PID1: variants seen among roughly 807,000 people sequenced by gnomAD.
PID1 encodes PTB-containing, cubilin and LRP1-interacting protein.
Under a neutral mutation model 19.1 loss-of-function variants are expected in PID1, and 10 were observed. That is an observed-to-expected ratio of 0.52 (90% CI 0.32 to 0.89). The LOEUF is 0.89. Among genes scored for constraint, PID1 ranks in the 40% least tolerant of loss-of-function variants. PID1 has a pLI of 0.03. For missense variants in PID1, 248 were observed against 285.3 expected, an observed-to-expected ratio of 0.87 and a Z score of 0.94; for synonymous variants, 130 against 116.0, an observed-to-expected ratio of 1.12 and a Z score of -0.78.
At chr2:229,123,146 A>C (rs1394278388) in intron 2 of PID1, among the ~76,000 whole-genome samples, 2 of 151,826 alleles carry the variant, frequency 1.3e-5, no homozygotes, top group African/African-American at 4.8e-5. Flanking sequence ...CCAAAAAAAA[A>C]CTCGTTATCT....
At chr2:229,043,939 T>C (rs1693824513) in intron 2 of PID1, among the ~76,000 whole-genome samples, 2 of 152,174 alleles carry the variant, frequency 1.3e-5, no homozygotes, top group Non-Finnish European at 1.5e-5. Flanking sequence ...CTCAAATCCT[T>C]TGAAGTCCTT....
intron 2 of PID1, among the ~76,000 whole-genome samples, chr2:229,148,217 G>C (rs1201148897): frequency 6.6e-6 from 1 of 152,228 alleles, no homozygotes; most frequent in South Asian, 2.1e-4. Context: ...GCTGTTGGTG[G>C]AAAGACCACA....
intron 1 of PID1, among the ~76,000 whole-genome samples, chr2:229,218,997 TCTC>T (rs1049363885): frequency 5.3e-5 from 8 of 152,116 alleles, no homozygotes; most frequent in African/African-American, 1.9e-4. Flanking sequence ...ATTGAAATCT[TCTC>T]CTGAAGCCAG....
chr2:229,154,989 A>C (rs1451508864), intron 2 of PID1, among the ~76,000 whole-genome samples: 1 of 152,214 alleles, frequency 6.6e-6, no homozygotes, highest in Non-Finnish European at 1.5e-5. Flanking sequence ...GTTTGCATAA[A>C]TGAAAATGCT....
intron 1 of PID1, among the ~76,000 whole-genome samples, chr2:229,191,668 G>A (rs1691262567): frequency 6.6e-6 from 1 of 152,072 alleles, no homozygotes; most frequent in Admixed American, 6.6e-5. Context: ...AAAATTAACA[G>A]GTTCAAAGCA....
intron 2 of PID1, among the ~76,000 whole-genome samples, chr2:229,149,840 G>C (rs182846300): frequency 6.6e-6 from 1 of 152,076 alleles, no homozygotes; most frequent in Non-Finnish European, 1.5e-5. Context: ...TGGGACTCTC[G>C]GCAAAGGACA....
intron 2 of PID1, among the ~76,000 whole-genome samples, chr2:229,124,057 C>T (rs565786669): frequency 1.4e-4 from 22 of 152,048 alleles, no homozygotes; most frequent in African/African-American, 3.6e-4. Context: ...TAAAATATGG[C>T]GAGACTGGAA....
At chr2:229,270,276 A>G (rs893834340) in intron 1 of PID1, among the ~76,000 whole-genome samples, 1 of 152,176 alleles carries the variant, frequency 6.6e-6, no homozygotes, top group Non-Finnish European at 1.5e-5. Context: ...AACCAGGGCA[A>G]TCCCAAGGCC....
intron 2 of PID1, among the ~76,000 whole-genome samples, chr2:229,141,145 T>C (rs1443250736): frequency 1.3e-5 from 2 of 152,130 alleles, no homozygotes; most frequent in Admixed American, 1.3e-4. Context: ...TAGGGTTCTG[T>C]TGGCATAGTA....
At chr2:229,208,168 G>T (rs1342444941) in intron 1 of PID1, among the ~76,000 whole-genome samples, 2 of 152,110 alleles carry the variant, frequency 1.3e-5, no homozygotes, top group African/African-American at 4.8e-5. Flanking sequence ...TCCATTTCTG[G>T]TTGCCTCCAG....
rs569734441 is a variant in PID1, at chr2:229,071,997, C to T, written c.178-45889G>A. 2.0e-5 allele frequency among the ~76,000 whole-genome samples: 3 copies of T among 152,144 alleles called. No homozygotes were observed. The South Asian group carries it at 6.2e-4, about 32-fold the overall frequency. Reference sequence around the variant, plus strand: ...TCTCATTTTATATTCCCAAATGGCCCTGTGTCATTCTATAGTTTTGAGTAC... The same window carrying T: ...TCTCATTTTATATTCCCAAATGGCCTTGTGTCATTCTATAGTTTTGAGTAC... On this transcript the variant is annotated intron_variant, in intron 2 of 2. Transcript: ENST00000392055.
intron 2 of PID1, among the ~76,000 whole-genome samples, chr2:229,155,382 T>A (rs1028628138): frequency 3.9e-5 from 6 of 151,984 alleles, no homozygotes; most frequent in Non-Finnish European, 5.9e-5. Context: ...CTAGCTAACA[T>A]GGTGAAACCC....
At chr2:229,148,061 A>G (rs1690172194) in intron 2 of PID1, among the ~76,000 whole-genome samples, 1 of 152,234 alleles carries the variant, frequency 6.6e-6, no homozygotes, top group Admixed American at 6.5e-5. Flanking sequence ...TATGTGGCAA[A>G]CCAGATAAAT....
intron 2 of PID1, among the ~76,000 whole-genome samples, chr2:229,147,580 T>G (rs1456011422): frequency 1.3e-5 from 2 of 152,068 alleles, no homozygotes; most frequent in African/African-American, 4.8e-5. Context: ...TTTTATATAC[T>G]TAATACATTA....
intron 2 of PID1, among the ~76,000 whole-genome samples, chr2:229,090,756 A>T (rs552026531): frequency 2.0e-5 from 3 of 152,364 alleles, no homozygotes; most frequent in Admixed American, 1.3e-4. Flanking sequence ...ATGAGTCATC[A>T]TCATTCATTC....
At chr2:229,060,080 T>A (rs1694181434) in intron 2 of PID1, among the ~76,000 whole-genome samples, 1 of 152,138 alleles carries the variant, frequency 6.6e-6, no homozygotes, top group Non-Finnish European at 1.5e-5. Flanking sequence ...AATGATGAAA[T>A]CAAGCTTATT....
At chr2:229,073,471 G>A (rs898669042) in intron 2 of PID1, among the ~76,000 whole-genome samples, 7 of 152,170 alleles carry the variant, frequency 4.6e-5, no homozygotes, top group African/African-American at 1.2e-4. Context: ...CACGCTCTAC[G>A]CTTCTAGAGG....
At chr2:229,100,827 AC>A (rs891569399) in intron 2 of PID1, among the ~76,000 whole-genome samples, 4 of 151,990 alleles carry the variant, frequency 2.6e-5, no homozygotes, top group African/African-American at 7.3e-5. Flanking sequence ...CAAGTAGAAA[AC>A]CCTTTCCTGC....
intron 1 of PID1, among the ~76,000 whole-genome samples, chr2:229,171,121 G>A (rs566024167): frequency 5.3e-5 from 8 of 152,318 alleles, no homozygotes; most frequent in Middle Eastern, 3.4e-3. Flanking sequence ...AACATAGCAC[G>A]TACATGTTAT....
Sources: allele counts gnomAD v4.1 joint callset (sites outside exome capture counted in the v4.1 genomes callset), GRCh38; gene constraint gnomAD v4.1.1; transcripts MANE v1.5; gene names NCBI Gene and HGNC (gene_info 2026-07-23, HGNC 2026-07-21).